CEP83: variants seen among roughly 807,000 people sequenced by gnomAD.
CEP83 encodes centrosomal protein 83, also known as centrosomal protein of 83 kDa.
In CEP83, 70 loss-of-function variants were observed where a neutral mutation model predicts 101.9. The ratio of observed to expected loss-of-function variants is 0.69; its 90% confidence interval spans 0.57 to 0.84. The LOEUF (loss-of-function observed/expected upper bound fraction) is 0.84, where lower values mean the gene tolerates loss of function less well. Among genes scored for constraint, CEP83 ranks in the 40% least tolerant of loss-of-function variants. The pLI, the probability that CEP83 is intolerant of heterozygous loss-of-function variation, is 0.00. For missense variants in CEP83, 715 were observed against 787.2 expected, an observed-to-expected ratio of 0.91 and a Z score of 1.10; for synonymous variants, 264 against 267.9, an observed-to-expected ratio of 0.99 and a Z score of 0.14.
intron 2 of CEP83, among the ~76,000 whole-genome samples, chr12:94,415,710 A>T (rs1463942369): frequency 1.3e-5 from 2 of 152,152 alleles, no homozygotes; most frequent in Non-Finnish European, 2.9e-5. Flanking sequence ...AGAAGTTGTC[A>T]AAACTATAAG....
At chr12:94,315,994 C>A (rs1414191032) in intron 14 of CEP83, among the ~76,000 whole-genome samples, 2 of 152,074 alleles carry the variant, frequency 1.3e-5, no homozygotes, top group Non-Finnish European at 2.9e-5. Context: ...GTCCTTTGTA[C>A]TTTCAGATGA....
At chr12:94,331,960 G>T in intron 13 of CEP83, 131 bp from the exon 14 acceptor site, 1 of 720,566 alleles carries the variant, frequency 1.4e-6, no homozygotes. Flanking sequence ...AGGCCCTCCT[G>T]TATGGCCACT....
chr12:94,398,898 G>A (rs1317927545), intron 6 of CEP83, among the ~76,000 whole-genome samples: 13 of 152,108 alleles, frequency 8.5e-5, no homozygotes, highest in Non-Finnish European at 4.4e-5. Context: ...AATACACCCT[G>A]GTCTCCTGCA....
chr12:94,405,036 C>G (rs990123610), intron 4 of CEP83, among the ~76,000 whole-genome samples: 1 of 152,134 alleles, frequency 6.6e-6, no homozygotes, highest in African/African-American at 2.4e-5. Context: ...GAAGAAGAGG[C>G]AGTAAATGGA....
chr12:94,406,087 G>T (rs796471328), intron 4 of CEP83, among the ~76,000 whole-genome samples: 9 of 152,268 alleles, frequency 5.9e-5, no homozygotes, highest in African/African-American at 1.9e-4. Context: ...CTACTCAGAA[G>T]AGTCTTGCCT....
chr12:94,452,420 T>C (rs941257381), intron 1 of CEP83, among the ~76,000 whole-genome samples: 1 of 152,090 alleles, frequency 6.6e-6, no homozygotes, highest in African/African-American at 2.4e-5. Flanking sequence ...AATTTGTTGA[T>C]AGTTGTAGTA....
intron 11 of CEP83, among the ~76,000 whole-genome samples, chr12:94,353,113 A>G (rs552951931): frequency 6.6e-6 from 1 of 152,188 alleles, no homozygotes; most frequent in Non-Finnish European, 1.5e-5. Flanking sequence ...GCATCAAGTC[A>G]TATATAAGAA....
chr12:94,286,353 T>G, the CEP83 span, among the ~76,000 whole-genome samples: 7 of 152,156 alleles, frequency 4.6e-5, no homozygotes, highest in African/African-American at 1.7e-4. Context: ...TCAAAAGCCC[T>G]GTTTTTTAAA....
intron 6 of CEP83, among the ~76,000 whole-genome samples, chr12:94,394,134 T>C (rs954219439): frequency 3.3e-5 from 5 of 152,154 alleles, no homozygotes; most frequent in African/African-American, 1.2e-4. Flanking sequence ...TTAAAGTTCA[T>C]ATGGAACCAA....
At chr12:94,442,123 G>T (rs567911604) in intron 1 of CEP83, among the ~76,000 whole-genome samples, 1 of 150,266 alleles carries the variant, frequency 6.7e-6, no homozygotes, top group South Asian at 2.1e-4. Flanking sequence ...AATGTGGTAG[G>T]TATATATATA....
At chr12:94,376,048 A>G (rs2137121940) in intron 7 of CEP83, 31 bp from the exon 8 acceptor site, 1 of 1,383,458 alleles carries the variant, frequency 7.2e-7, no homozygotes, top group Non-Finnish European at 9.7e-7. Context: ...TTTAAAATTC[A>G]TCATTTTTCA....
At position 94,380,826 on chromosome 12, in the gene CEP83, T is replaced by G. The variant is rs185083092; in HGVS notation, c.550-1784A>C. Among the ~76,000 whole-genome samples, 363 of 152,310 alleles carry G rather than the reference T, an allele frequency of 2.4e-3. 1 individual carries two copies. Among genetic ancestry groups the G allele is most frequent in the African/African-American group, 8.2e-3 (339 of 41,568 alleles). ...CATAGGGTCACACAGTTCACAATGT[T>G]CTTGACCTGCATACTTCCCATATTA... is the stretch of plus-strand genomic sequence containing the variant. On this transcript the variant is annotated intron_variant, in intron 6 of 16. Transcript: ENST00000397809.
intron 8 of CEP83, among the ~76,000 whole-genome samples, chr12:94,375,267 T>C (rs941784098): frequency 6.6e-6 from 1 of 152,102 alleles, no homozygotes; most frequent in Non-Finnish European, 1.5e-5. Context: ...TGTTTTACAA[T>C]GTGAAGACAA....
At chr12:94,329,547 C>G (rs2059120075) in intron 14 of CEP83, among the ~76,000 whole-genome samples, 1 of 152,186 alleles carries the variant, frequency 6.6e-6, no homozygotes, top group Admixed American at 6.5e-5. Flanking sequence ...CACTGGGTGT[C>G]ACTTTTGCTT....
the CEP83 span, among the ~76,000 whole-genome samples, chr12:94,276,616 C>T: frequency 6.6e-6 from 1 of 152,206 alleles, no homozygotes; most frequent in Non-Finnish European, 1.5e-5. Context: ...TACTCAGCCC[C>T]TCTGTGCCTC....
At position 94,308,263 on chromosome 12, in the gene CEP83, T is replaced by TA. The variant is rs1969286023; in HGVS notation, c.*549dup. On this transcript the variant is annotated 3_prime_UTR_variant, in exon 17 of 17. Transcript: ENST00000397809. ...CTAAATATATGCTATATGGTTGATG[T>TA]AAAATTAAACACACGATTAAAAAAA... 1 of 152,296 alleles carries TA rather than the reference T, an allele frequency of 6.6e-6. No homozygotes were observed. The highest frequency in any genetic ancestry group is 2.1e-4 in the South Asian group (1 of 4,842). The allele number at this position is 152,296 out of a possible 1,614,324, so 9.4% of individuals were successfully genotyped here.
chr12:94,434,758 C>A (rs2065875969), intron 2 of CEP83, among the ~76,000 whole-genome samples: 1 of 152,146 alleles, frequency 6.6e-6, no homozygotes, highest in African/African-American at 2.4e-5. Context: ...CATTTATGTT[C>A]CATATATACC....
At chr12:94,287,223 T>C in the CEP83 span, among the ~76,000 whole-genome samples, 1 of 152,242 alleles carries the variant, frequency 6.6e-6, no homozygotes, top group African/African-American at 2.4e-5. Context: ...TCTTTACACA[T>C]GAAGCCAGAG....
the CEP83 span, among the ~76,000 whole-genome samples, chr12:94,286,435 G>A: frequency 2.3e-4 from 35 of 151,964 alleles, no homozygotes; most frequent in Non-Finnish European, 2.9e-4. Flanking sequence ...CAGCGCCTCC[G>A]CAGACTCAAC....
Sources: gnomAD v4.1 joint callset for allele counts (sites outside exome capture counted in the v4.1 genomes callset) on GRCh38, gnomAD v4.1.1 for gene constraint, MANE v1.5 for transcripts, NCBI Gene and HGNC (gene_info 2026-07-23, HGNC 2026-07-21) for gene names.